FSTL5: variants seen among roughly 807,000 people sequenced by gnomAD.
The protein encoded by FSTL5 is follistatin-related protein 5.
In FSTL5, 62 loss-of-function variants were observed where a neutral mutation model predicts 89.1. The observed-to-expected ratio is 0.70, with a 90% CI of 0.57 to 0.86. FSTL5 has a LOEUF of 0.86. Ranked by LOEUF, FSTL5 falls within the 40% of genes least tolerant of loss-of-function variation. The probability of loss-of-function intolerance (pLI) is 0.00; values close to 1 mark genes in which losing one functional copy is unlikely to be tolerated. For missense variants in FSTL5, 1,057 were observed against 1,001.6 expected, an observed-to-expected ratio of 1.06 and a Z score of -0.75; for synonymous variants, 383 against 346.2, an observed-to-expected ratio of 1.11 and a Z score of -1.18.
At chr4:161,826,117 A>C (rs1310407946) in intron 4 of FSTL5, among the ~76,000 whole-genome samples, 1 of 152,054 alleles carries the variant, frequency 6.6e-6, no homozygotes, top group Admixed American at 6.6e-5. Flanking sequence ...TTTAATTTTC[A>C]TCTTGATTTC....
At chr4:162,145,068 A>ATTAT (rs1216650963) in intron 1 of FSTL5, among the ~76,000 whole-genome samples, 1 of 133,970 alleles carries the variant, frequency 7.5e-6, no homozygotes, top group Admixed American at 7.3e-5. Context: ...TACAATATAC[A>ATTAT]ATGTATATTC....
chr4:162,007,999 T>C, intron 3 of FSTL5, among the ~76,000 whole-genome samples: 1 of 151,810 alleles, frequency 6.6e-6, no homozygotes, highest in Admixed American at 6.6e-5. Context: ...CTTTGGACAG[T>C]GTGGAAGTTT....
rs535331887 is a variant in FSTL5, at chr4:161,471,415, T to C, written c.1608+9605A>G. On this transcript the variant is annotated intron_variant, in intron 13 of 15. Coordinates refer to ENST00000306100, the MANE Select transcript of FSTL5 (RefSeq NM_020116.5). ...TCCAGGAATAAATCCTACTTGGTCA[T>C]GGGTATGATGTAGTTATGTGCTGCT... 1.7e-4 allele frequency among the ~76,000 whole-genome samples: 26 copies of C among 152,326 alleles called. No individual in the cohort carries two copies. The South Asian group carries it at 4.8e-3, about 28-fold the overall frequency.
intron 3 of FSTL5, among the ~76,000 whole-genome samples, chr4:162,001,331 T>C: frequency 6.6e-6 from 1 of 152,142 alleles, no homozygotes; most frequent in African/African-American, 2.4e-5. Context: ...TATCTATCTA[T>C]CTATCTAGAG....
chr4:161,955,630 A>G (rs945963470), intron 3 of FSTL5, among the ~76,000 whole-genome samples: 14 of 151,656 alleles, frequency 9.2e-5, no homozygotes, highest in African/African-American at 3.4e-4. Flanking sequence ...CTAAGCAACA[A>G]AATACATCAA....
chr4:162,133,134 A>G (rs1732380210), intron 1 of FSTL5, among the ~76,000 whole-genome samples: 2 of 152,156 alleles, frequency 1.3e-5, no homozygotes, highest in Admixed American at 6.5e-5. Context: ...TTTTTTTAGT[A>G]GAGACGGGGT....
intron 1 of FSTL5, among the ~76,000 whole-genome samples, chr4:162,121,652 G>C (rs905908419): frequency 2.0e-5 from 3 of 151,934 alleles, no homozygotes; most frequent in Non-Finnish European, 4.4e-5. Flanking sequence ...ATATATCTCA[G>C]TATGTTGTAC....
chr4:161,929,271 ACT>A (rs768908834), intron 3 of FSTL5, among the ~76,000 whole-genome samples: 2 of 145,170 alleles, frequency 1.4e-5, no homozygotes, highest in Non-Finnish European at 3.0e-5. Context: ...AGATCAGTTA[ACT>A]CTAATGGTAT....
At chr4:162,063,026 G>C (rs184774607) in intron 2 of FSTL5, among the ~76,000 whole-genome samples, 1 of 151,246 alleles carries the variant, frequency 6.6e-6, no homozygotes, top group Admixed American at 6.6e-5. Context: ...TCCTTTGTCC[G>C]TCAAGATATT....
Position 161,759,423 on chromosome 4 carries a change from A to G in FSTL5, c.715T>C (p.Tyr239His), listed in dbSNP as rs546076001. 5 of 1,591,982 alleles carry G rather than the reference A, an allele frequency of 3.1e-6. No homozygotes were observed. The African/African-American group carries it at 5.4e-5, about 17-fold the overall frequency. The change falls in exon 6 of 16, where the codon TAT becomes CAT. Residue 239 changes from tyrosine (Y) to histidine (H), a missense_variant. Transcript: ENST00000306100. ...ATCTTGTACTCACGGAATGCTCTAT[A>G]AAATTCTTCAAGAGCCAGGTGCTTG... ...ADKHLALEEF[Y>H]RAFQVIQLSL...
chr4:161,653,199 C>T (rs1329265285), intron 7 of FSTL5, among the ~76,000 whole-genome samples: 1 of 152,144 alleles, frequency 6.6e-6, no homozygotes, highest in Admixed American at 6.6e-5. Flanking sequence ...GAGTATCACG[C>T]CTGGGGTCTA....
chr4:161,469,094 G>T (rs1300992465), intron 13 of FSTL5, among the ~76,000 whole-genome samples: 4 of 151,912 alleles, frequency 2.6e-5, no homozygotes, highest in Non-Finnish European at 5.9e-5. Context: ...CCTCTTCCTA[G>T]CCCTGGAAAC....
At chr4:161,532,098 G>A (rs1023424967) in intron 10 of FSTL5, among the ~76,000 whole-genome samples, 18 of 151,798 alleles carry the variant, frequency 1.2e-4, no homozygotes. Flanking sequence ...CCAGCTACTT[G>A]GGAGGCTGAG....
intron 13 of FSTL5, among the ~76,000 whole-genome samples, chr4:161,465,333 AG>A (rs879775963): frequency 5.3e-5 from 8 of 152,144 alleles, no homozygotes; most frequent in Non-Finnish European, 1.2e-4. Flanking sequence ...CACTTAATTT[AG>A]GAAAAATGAC....
chr4:161,412,946 G>C (rs1010478160), intron 15 of FSTL5, among the ~76,000 whole-genome samples: 4 of 151,978 alleles, frequency 2.6e-5, no homozygotes, highest in African/African-American at 4.8e-5. Context: ...TAAATGTAAG[G>C]CCTCAAATTA....
chr4:161,708,155 A>T (rs1738646808), intron 6 of FSTL5, among the ~76,000 whole-genome samples: 1 of 152,040 alleles, frequency 6.6e-6, no homozygotes, highest in Non-Finnish European at 1.5e-5. Context: ...AGGCAAATAA[A>T]ACATTGTAAA....
At chr4:161,828,045 G>C (rs1730720931) in intron 4 of FSTL5, among the ~76,000 whole-genome samples, 1 of 152,080 alleles carries the variant, frequency 6.6e-6, no homozygotes, top group African/African-American at 2.4e-5. Context: ...ACTTTTCCCG[G>C]TTCCTCTGGT....
intron 3 of FSTL5, among the ~76,000 whole-genome samples, chr4:161,962,395 T>C (rs1735206906): frequency 6.6e-6 from 1 of 152,160 alleles, no homozygotes; most frequent in South Asian, 2.1e-4. Flanking sequence ...TTAGCCAAGA[T>C]GGTTCTTGTT....
At chr4:162,136,745 T>C (rs1732536217) in intron 1 of FSTL5, among the ~76,000 whole-genome samples, 1 of 152,056 alleles carries the variant, frequency 6.6e-6, no homozygotes, top group Non-Finnish European at 1.5e-5. Flanking sequence ...AGTGATGTAT[T>C]AGTTGGATAT....
Sources: allele counts gnomAD v4.1 joint callset (sites outside exome capture counted in the v4.1 genomes callset), GRCh38; gene constraint gnomAD v4.1.1; transcripts MANE v1.5; gene names NCBI Gene and HGNC (gene_info 2026-07-23, HGNC 2026-07-21).